TMEM255B: variants seen among roughly 807,000 people sequenced by gnomAD.
The protein encoded by TMEM255B is transmembrane protein 255B.
A neutral mutation model predicts 34.5 loss-of-function variants in TMEM255B; 35 were observed. That is an observed-to-expected ratio of 1.01 (90% confidence interval 0.77 to 1.34). TMEM255B has a LOEUF of 1.34. Among genes scored for constraint, TMEM255B ranks in the 40% most tolerant of loss-of-function variants. The probability of loss-of-function intolerance (pLI) is 0.00; values close to 1 mark genes in which losing one functional copy is unlikely to be tolerated. For missense variants in TMEM255B, 432 were observed against 433.2 expected, an observed-to-expected ratio of 1.00 and a Z score of 0.02; for synonymous variants, 206 against 201.2, an observed-to-expected ratio of 1.02 and a Z score of -0.20.
intron 3 of TMEM255B, 115 bp from the exon 4 acceptor site, chr13:113,795,033 G>C: frequency 1.1e-6 from 1 of 898,746 alleles, no homozygotes; most frequent in Non-Finnish European, 1.8e-6. Context: ...GTAGAGGTGA[G>C]AAGAGGCAGT....
chr13:113,783,446 G>A (rs953810132), intron 3 of TMEM255B, among the ~76,000 whole-genome samples: 5 of 152,158 alleles, frequency 3.3e-5, no homozygotes, highest in East Asian at 3.8e-4. Context: ...GAGTGAGGGT[G>A]GAGTTAGAAT....
At position 113,769,515 on chromosome 13, in the gene TMEM255B, A is replaced by C. The variant is rs2050444233; in HGVS notation, c.252+355A>C. On this transcript the variant is annotated intron_variant, in intron 3 of 8. Coordinates refer to ENST00000375353, the MANE Select transcript of TMEM255B (RefSeq NM_182614.4). The surrounding 1 kb of genome is among the most constrained non-coding windows in gnomAD (Gnocchi z 4.2). ...AAAGTTCAGGCAAAAACATGTGCATAAGCCTCTCTTCCTTTTGAACCAGTG... is the reference window on the plus strand; with the variant it reads ...AAAGTTCAGGCAAAAACATGTGCATCAGCCTCTCTTCCTTTTGAACCAGTG... The C allele has an allele frequency of 4.3e-6, 1 of 234,290 alleles. No individual in the cohort carries two copies. Among genetic ancestry groups the C allele is most frequent in the African/African-American group, 2.2e-5 (1 of 45,642 alleles). 14.5% of individuals were successfully genotyped at this position (234,290 alleles called of 1,614,324 possible). A position where few individuals can be genotyped will look rare whatever the true frequency, so the allele number is the denominator to read the frequency against.
rs150929981 is a variant in TMEM255B at position 113,801,723 on chromosome 13, C to T, written c.580C>T (p.Arg194Cys). ...SGCQDVLHLY[R>C]LLWASAVLNV... ...CTGCCAGGACGTGCTGCACCTGTAC[C>T]GCCTGCTCTGGGCCTCTGCAGTTCT... The change falls in exon 7 of 9, where the codon CGC becomes TGC. Residue 194 changes from arginine to cysteine, a missense_variant. By Grantham distance (180) the Arg-to-Cys change is radical. Coordinates refer to ENST00000375353, the MANE Select transcript of TMEM255B (RefSeq NM_182614.4). The T allele has an allele frequency of 1.1e-4, 181 of 1,613,022 alleles. No homozygotes were observed. Among genetic ancestry groups the T allele is most frequent in the South Asian group, 1.0e-3 (95 of 90,976 alleles).
At chr13:113,807,465 T>C (rs374205008) in intron 8 of TMEM255B, among the ~76,000 whole-genome samples, 16 of 83,096 alleles carry the variant, frequency 1.9e-4, no homozygotes, top group African/African-American at 6.6e-4. Flanking sequence ...GATGTGGGGG[T>C]GGTCCTCCCC....
Position 113,812,934 on chromosome 13 carries a change from G to C in TMEM255B, c.*1031G>C, listed in dbSNP as rs1451136189. 7.3e-6 allele frequency: 1 copy of C among 136,846 alleles called. No individual in the cohort carries two copies. Among genetic ancestry groups the C allele is most frequent in the Admixed American group, 7.4e-5 (1 of 13,456 alleles). The allele number at this position is 136,846 out of a possible 1,614,324, so 8.5% of individuals were successfully genotyped here. A position where few individuals can be genotyped will look rare whatever the true frequency, so the allele number is the denominator to read the frequency against. On this transcript the variant is annotated 3_prime_UTR_variant, in exon 9 of 9. Transcript: ENST00000375353. ...GCCCCGGGTGAGTCACGGGTCCCGG[G>C]TGGGTCACGGGTCCCGGGTGGGTCA...
Position 113,790,174 on chromosome 13 carries a change from CCAGACACG to C in TMEM255B, c.253-4973_253-4966del, listed in dbSNP as rs879707838. On this transcript the variant is annotated intron_variant, in intron 3 of 8. Transcript: ENST00000375353. ...CATGGACATCCTAACACTGAACTGACCAGACACGTGGACATCCTAACACTGAACTGACC... is the reference window on the plus strand; with the variant it reads ...CATGGACATCCTAACACTGAACTGACTGGACATCCTAACACTGAACTGACC... 5.1e-3 allele frequency among the ~76,000 whole-genome samples: 615 copies of C among 120,700 alleles called. 189 individuals carry two copies. The highest frequency in any genetic ancestry group is 8.8e-3 in the East Asian group (23 of 2,612). The allele number at this position is 120,700 out of a possible 152,430, so 79.2% of individuals were successfully genotyped here. A position where few individuals can be genotyped will look rare whatever the true frequency, so the allele number is the denominator to read the frequency against.
rs575201976 is a variant in TMEM255B at position 113,806,891 on chromosome 13, C to T, written c.813+1863C>T. On this transcript the variant is annotated intron_variant, in intron 8 of 8. Coordinates refer to ENST00000375353, the MANE Select transcript of TMEM255B (RefSeq NM_182614.4). The surrounding 1 kb of genome is among the most constrained non-coding windows in gnomAD (Gnocchi z 4.2). ...GCTGGGCCTGCAGGTGCTCCCCAAGCGGCTCTACACAGACACAGACTTGGA... is the reference window on the plus strand; with the variant it reads ...GCTGGGCCTGCAGGTGCTCCCCAAGTGGCTCTACACAGACACAGACTTGGA... Among the ~76,000 whole-genome samples, 29 of 151,602 alleles carry T rather than the reference C, an allele frequency of 1.9e-4. 1 individual carries two copies. The highest frequency in any genetic ancestry group is 1.9e-3 in the South Asian group (9 of 4,782).
intron 3 of TMEM255B, among the ~76,000 whole-genome samples, chr13:113,788,492 C>T (rs1194568276): frequency 2.0e-5 from 3 of 151,968 alleles, no homozygotes; most frequent in East Asian, 1.9e-4. Flanking sequence ...CTGGCACTGG[C>T]GCAGCAGAGG....
In TMEM255B at chr13:113,806,663, A is replaced by C. The variant is rs1309460839; in HGVS notation, c.813+1635A>C. Among the ~76,000 whole-genome samples the C allele has an allele frequency of 6.6e-6, 1 of 152,110 alleles. No individual in the cohort carries two copies. The highest frequency in any genetic ancestry group is 6.5e-5 in the Admixed American group (1 of 15,282). On this transcript the variant is annotated intron_variant, in intron 8 of 8. Transcript: ENST00000375353. This position sits in a 1 kb window ranked among gnomAD's most constrained non-coding sequence, Gnocchi z 4.2. ...GGCGCGTCTGCTTGGTGCCACAGGC[A>C]GCTTCATCCTTCCCCAAGCCTCCTG... is the stretch of plus-strand genomic sequence containing the variant.
intron 8 of TMEM255B, among the ~76,000 whole-genome samples, chr13:113,807,124 G>C (rs1319091453): frequency 1.3e-5 from 2 of 152,210 alleles, no homozygotes; most frequent in African/African-American, 4.8e-5. Context: ...GGCTGTGAGG[G>C]GCCCGGCTTC....
chr13:113,805,179 G>A (rs550354230), intron 8 of TMEM255B, 151 bp downstream of exon 8: 163 of 1,039,204 alleles, frequency 1.6e-4, no homozygotes, highest in South Asian at 1.3e-3. Flanking sequence ...CAACCCTGCC[G>A]TCAGGGCACA....
chr13:113,766,824 T>A (rs2050400534), intron 2 of TMEM255B, among the ~76,000 whole-genome samples: 1 of 152,202 alleles, frequency 6.6e-6, no homozygotes, highest in Non-Finnish European at 1.5e-5. Context: ...CATCCACCCG[T>A]CAGGCCAGAT....
rs151107969 is a variant in TMEM255B at position 113,795,150 on chromosome 13, G to T, written c.255G>T (p.Leu85=). 35 of 1,613,882 alleles carry T rather than the reference G, an allele frequency of 2.2e-5. 1 individual carries two copies. In the African/African-American group the frequency reaches 3.6e-4, roughly 17 times the overall value. ...INLVENRRQM[L]VAAIVFISFG... is the part of the protein sequence containing the mutation. ...CCACACCTCTCCTTCTGTTGCAGCT[G>T]GTGGCAGCGATCGTGTTTATCAGTT... The change falls in exon 4 of 9, where the codon CTG becomes CTT. Residue 85 remains leucine (L), a splice_region_variant and synonymous_variant. Transcript: ENST00000375353.
In TMEM255B at chr13:113,791,560, A is replaced by G. The variant is rs114848237; in HGVS notation, c.253-3588A>G. Among the ~76,000 whole-genome samples, 598 of 152,260 alleles carry G rather than the reference A, an allele frequency of 3.9e-3. 4 individuals carry two copies. The highest frequency in any genetic ancestry group is 0.014 in the African/African-American group (583 of 41,556). ...CAGTGGCTCTGAGGGTGGTGACTCA[A>G]CCAGGAGCAGGGAAGGGGTGCTTGT... is the stretch of plus-strand genomic sequence containing the variant. On this transcript the variant is annotated intron_variant, in intron 3 of 8. Coordinates refer to ENST00000375353, the MANE Select transcript of TMEM255B (RefSeq NM_182614.4).
intron 3 of TMEM255B, among the ~76,000 whole-genome samples, chr13:113,781,336 C>T (rs1345630570): frequency 6.6e-6 from 1 of 152,234 alleles, no homozygotes; most frequent in Non-Finnish European, 1.5e-5. Context: ...CCATTCACAA[C>T]TTGCTTAAAC....
At chr13:113,800,735 G>C in intron 5 of TMEM255B, 92 bp from the exon 6 acceptor site, 3 of 1,240,448 alleles carry the variant, frequency 2.4e-6, no homozygotes, top group Non-Finnish European at 3.4e-6. Flanking sequence ...CTCAGTGGCC[G>C]CTCCCAGCTC....
rs369823565 is a variant in TMEM255B at position 113,795,257 on chromosome 13, G to T, written c.342+20G>T. 3 of 1,605,984 alleles carry T rather than the reference G, an allele frequency of 1.9e-6. No homozygotes were observed. Among genetic ancestry groups the T allele is most frequent in the Non-Finnish European group, 2.6e-6 (3 of 1,173,758 alleles). On this transcript the variant is annotated intron_variant, in intron 4 of 8. Coordinates refer to ENST00000375353, the MANE Select transcript of TMEM255B (RefSeq NM_182614.4). ...CACATTGTGAGTACATTGTCATTGTGTGCACAGTCGCTTTCCGGGGCTGAA... is the reference window on the plus strand; with the variant it reads ...CACATTGTGAGTACATTGTCATTGTTTGCACAGTCGCTTTCCGGGGCTGAA...
At chr13:113,809,626 A>G (rs12867373) in intron 8 of TMEM255B, among the ~76,000 whole-genome samples, 103,487 of 144,378 alleles carry the variant, frequency 0.72, 36,859 homozygotes, top group East Asian at 0.87. Context: ...AGTTTACTCC[A>G]TGGTTCCTGG....
intron 8 of TMEM255B, among the ~76,000 whole-genome samples, chr13:113,808,793 G>GGGA (rs1555302331): frequency 2.5e-4 from 4 of 16,094 alleles, no homozygotes; most frequent in East Asian, 3.7e-3. Context: ...TGTGGTTCCT[G>GGGA]GGGGGGGGGT....
Sources: allele counts gnomAD v4.1 joint callset (sites outside exome capture counted in the v4.1 genomes callset), GRCh38; gene constraint gnomAD v4.1.1; non-coding constraint Gnocchi (gnomAD v3.1); transcripts MANE v1.5; gene names NCBI Gene and HGNC (gene_info 2026-07-23, HGNC 2026-07-21).